TCHH: variants seen among roughly 807,000 people sequenced by gnomAD.
TCHH encodes trichohyalin.
A neutral mutation model predicts 6.3 loss-of-function variants in TCHH; 6 were observed. That is an observed-to-expected ratio of 0.95 (90% CI 0.52 to 1.88). The LOEUF (loss-of-function observed/expected upper bound fraction) is 1.88. TCHH is among the 40% of genes most tolerant of loss of function. The pLI is 0.01. For missense variants in TCHH, 2,920 were observed against 2,449.1 expected (o/e 1.19, Z -4.06); for synonymous variants, 1,087 against 963.6 (o/e 1.13, Z -2.37).
Position 152,109,174 on chromosome 1 carries a change from C to A in TCHH, c.4043G>T (p.Arg1348Met). Residue 1348 changes from arginine to methionine, a missense_variant, in exon 3 of 3, where the codon AGG becomes ATG. By Grantham distance (91) the Arg-to-Met change is moderately conservative. Transcript: ENST00000614923. ...FREEEQLLQE[R>M]EEQPLRRQER... is the part of the protein sequence containing the mutation. ...TTGGCGGCGCAGCGGCTGTTCCTCC[C>A]TTTCCTGGAGCAGCTGTTCCTCCTC... 1 of 1,613,584 alleles carries A rather than the reference C, an allele frequency of 6.2e-7. No individual in the cohort carries two copies. Among genetic ancestry groups the A allele is most frequent in the Non-Finnish European group, 8.5e-7 (1 of 1,179,720 alleles).
chr1:152,109,481 C>T lies in TCHH; in HGVS notation c.3736G>A (p.Glu1246Lys), dbSNP rs1557809739. The change falls in exon 3 of 3, where the codon GAG becomes AAG. Residue 1246 changes from glutamate to lysine, a missense_variant. Transcript: ENST00000614923. ...TCCAACTGCCGGAACTGTTCATTCT[C>T]TCTGCCTTTGCAGTAAACCTTGTTA... is the stretch of plus-strand genomic sequence containing the variant. ...RDNKVYCKGR[E>K]NEQFRQLEDS... The T allele has an allele frequency of 6.2e-7, 1 of 1,614,272 alleles. No homozygotes were observed. Among genetic ancestry groups the T allele is most frequent in the Non-Finnish European group, 8.5e-7 (1 of 1,180,048 alleles).
In TCHH at chr1:152,110,811, C is replaced by T. The variant is rs752929893; in HGVS notation, c.2406G>A (p.Glu802=). Residue 802 remains glutamate (E), a synonymous_variant, in exon 3 of 3, where the codon GAG becomes GAA. Transcript: ENST00000614923. ...GAAACCGTTGTTCCCGCTGCTGGCG[C>T]TCCTCGGCCCTCAGCTGCCTCTCCC... ...EQRERQLRAE[E]RQQREQRFLP... 6.2e-7 allele frequency: 1 copy of T among 1,608,526 alleles called. No individual in the cohort carries two copies. The highest frequency in any genetic ancestry group is 8.5e-7 in the Non-Finnish European group (1 of 1,179,878).
rs760018205 is a variant in TCHH at position 152,107,762 on chromosome 1, C to G, written c.5455G>C (p.Gly1819Arg). 1.2e-6 allele frequency: 2 copies of G among 1,614,206 alleles called. No individual in the cohort carries two copies. The highest frequency in any genetic ancestry group is 2.2e-5 in the South Asian group (2 of 91,084). ...TGCTCTTCTTCCCAGCGATACTTTCCGTCACGCTGTTGGGGGCGCAGCTGC... is the reference window on the plus strand; with the variant it reads ...TGCTCTTCTTCCCAGCGATACTTTCGGTCACGCTGTTGGGGGCGCAGCTGC... ...EQQLRPQQRD[G>R]KYRWEEEQLQ... is the part of the protein sequence containing the mutation. The change falls in exon 3 of 3, where the codon GGA (glycine) becomes CGA (arginine). Residue 1819 changes from glycine (G) to arginine (R), a missense_variant. Gly to Arg is a moderately radical substitution (Grantham distance 125). Coordinates refer to ENST00000614923, the MANE Select transcript of TCHH (RefSeq NM_007113.4).
At position 152,108,253 on chromosome 1, in the gene TCHH, T is replaced by A. The variant is rs1390481257; in HGVS notation, c.4964A>T (p.Gln1655Leu). Reference protein sequence around the residue: ...FLEEEPQLRRQEREQQLRHDR... With the variant: ...FLEEEPQLRRLEREQQLRHDR... Reference sequence around the variant, plus strand: ...GTGACGCAGCTGTTGTTCGCGCTCCTGGCGGCGCAGCTGCGGTTCCTCCTC... The same window carrying A: ...GTGACGCAGCTGTTGTTCGCGCTCCAGGCGGCGCAGCTGCGGTTCCTCCTC... The change falls in exon 3 of 3, where the codon CAG (glutamine) becomes CTG (leucine). Residue 1655 changes from glutamine to leucine, a missense_variant. Gln to Leu is a moderately radical substitution (Grantham distance 113). Coordinates refer to ENST00000614923, the MANE Select transcript of TCHH (RefSeq NM_007113.4). 2 of 1,613,200 alleles carry A rather than the reference T, an allele frequency of 1.2e-6. No homozygotes were observed. The highest frequency in any genetic ancestry group is 1.7e-5 in the Admixed American group (1 of 59,922).
rs1658105517 is a variant in TCHH, at chr1:152,106,421, T to A, written c.*964A>T. 6.6e-6 allele frequency: 1 copy of A among 152,176 alleles called. No homozygotes were observed. Among genetic ancestry groups the A allele is most frequent in the Non-Finnish European group, 1.5e-5 (1 of 68,034 alleles). The allele number at this position is 152,176 out of a possible 1,614,324, so 9.4% of individuals were successfully genotyped here. On this transcript the variant is annotated 3_prime_UTR_variant, in exon 3 of 3. Transcript: ENST00000614923. ...CCTCAAATGATTGTGGGCAAATGGG[T>A]CTTGTCAAAGGGCCTCTAGAAATTT...
chr1:152,107,019 C>A lies in TCHH; in HGVS notation c.*366G>T. On this transcript the variant is annotated 3_prime_UTR_variant, in exon 3 of 3. Transcript: ENST00000614923. ...TGGGTCAGTCATTAAACAAACCGAC[C>A]CATTGTTTAGAATCTCAAATCATCC... 1 of 170,732 alleles carries A rather than the reference C, an allele frequency of 5.9e-6. No homozygotes were observed. The highest frequency in any genetic ancestry group is 1.2e-5 in the Non-Finnish European group (1 of 80,518). The allele number at this position is 170,732 out of a possible 1,614,324, so 10.6% of individuals were successfully genotyped here.
rs368966346 is a variant in TCHH, at chr1:152,112,912, C to T, written c.305G>A (p.Arg102Gln). 3 of 1,613,846 alleles carry T rather than the reference C, an allele frequency of 1.9e-6. No homozygotes were observed. The highest frequency in any genetic ancestry group is 2.5e-6 in the Non-Finnish European group (3 of 1,179,994). The part of the protein sequence containing the change: ...ATGLDEEKRA[R>Q]CDGKESLLQD... ...TAACAGGCTCTCCTTTCCGTCACAC[C>T]GGGCTCGCTTCTCCTCATCCAGTCC... Residue 102 changes from arginine (R) to glutamine (Q), a missense_variant, in exon 3 of 3, where the codon CGG becomes CAG. Physicochemically the swap from Arg to Gln is conservative, Grantham distance 43. Transcript: ENST00000614923.
rs1658197421 is a variant in TCHH, at chr1:152,108,569, GC to G, written c.4647del (p.Arg1550ValfsTer23). 1 of 1,609,214 alleles carries G rather than the reference GC, an allele frequency of 6.2e-7. No individual in the cohort carries two copies. Among genetic ancestry groups the G allele is most frequent in the African/African-American group, 1.4e-5 (1 of 73,722 alleles). On this transcript the variant is annotated frameshift_variant, in exon 3 of 3. Coordinates refer to ENST00000614923, the MANE Select transcript of TCHH (RefSeq NM_007113.4). LOFTEE classifies it low-confidence loss of function (END_TRUNC). ...QLRRQERGQQ[R>X]RQDRDRKFRE... The stretch of plus-strand genomic sequence containing the variant: ...CGGAATTTTCTGTCACGGTCCTGAC[GC>G]CGCTGTTGCCCGCGCTCCTGGCGGC...
Position 152,108,287 on chromosome 1 carries a change from T to C in TCHH, c.4930A>G (p.Lys1644Glu). The change falls in exon 3 of 3, where the codon AAA becomes GAA. Residue 1644 changes from lysine to glutamate, a missense_variant. Coordinates refer to ENST00000614923, the MANE Select transcript of TCHH (RefSeq NM_007113.4). ...QQLHRQERDR[K>E]FLEEEPQLRR... ...AGCTGCGGTTCCTCCTCGAGGAATT[T>C]TCTGTCACGCTCTTGGCGGTGCAGC... 1 of 1,612,954 alleles carries C rather than the reference T, an allele frequency of 6.2e-7. No individual in the cohort carries two copies. The highest frequency in any genetic ancestry group is 8.5e-7 in the Non-Finnish European group (1 of 1,179,674).
rs1358521236 is a variant in TCHH, at chr1:152,107,970, G to A, written c.5247C>T (p.Ile1749=). ...QLRRQERYRK[I]LEEEQLRPER... Reference sequence around the variant, plus strand: ...CCGGACGGAGCTGCTCTTCCTCTAGGATTTTTCTGTAGCGTTCTTGGCGGC... The same window carrying A: ...CCGGACGGAGCTGCTCTTCCTCTAGAATTTTTCTGTAGCGTTCTTGGCGGC... The change falls in exon 3 of 3, where the codon ATC becomes ATT. Residue 1749 remains isoleucine (I), a synonymous_variant. Coordinates refer to ENST00000614923, the MANE Select transcript of TCHH (RefSeq NM_007113.4). 4 of 1,613,334 alleles carry A rather than the reference G, an allele frequency of 2.5e-6. No individual in the cohort carries two copies. Among genetic ancestry groups the A allele is most frequent in the Non-Finnish European group, 3.4e-6 (4 of 1,179,848 alleles).
intron 1 of TCHH, among the ~76,000 whole-genome samples, chr1:152,115,173 A>G (rs1476529756): frequency 1.3e-5 from 2 of 152,222 alleles, no homozygotes; most frequent in Non-Finnish European, 2.9e-5. Flanking sequence ...GATGTGCAGA[A>G]GTATAGAGTT....
chr1:152,114,004 G>C lies in TCHH; in HGVS notation c.77C>G (p.Ala26Gly), dbSNP rs754654083. 6 of 1,613,790 alleles carry C rather than the reference G, an allele frequency of 3.7e-6. No individual in the cohort carries two copies. In the Admixed American group the frequency reaches 1.0e-4, roughly 27 times the overall value. Residue 26 changes from alanine (A) to glycine (G), a missense_variant, in exon 2 of 3, where the codon GCA becomes GGA. By Grantham distance (60) the Ala-to-Gly change is moderately conservative. Transcript: ENST00000614923. ...CTTCAGGTCTTTCTTAGTTAATGCT[G>C]CTCCATCACAATCATGAGAGACATA... ...NQYVSHDCDG[A>G]ALTKKDLKNL...
chr1:152,109,195 T>C lies in TCHH; in HGVS notation c.4022A>G (p.Glu1341Gly), dbSNP rs773300306. 5 of 1,614,250 alleles carry C rather than the reference T, an allele frequency of 3.1e-6. No homozygotes were observed. The highest frequency in any genetic ancestry group is 1.7e-5 in the Admixed American group (1 of 60,032). ...CTCCCTTTCCTGGAGCAGCTGTTCC[T>C]CCTCGCGGAATTTTCTGTCTGTCTC... ...RQETDRKFRE[E>G]EQLLQEREEQ... Residue 1341 changes from glutamate (E) to glycine (G), a missense_variant, in exon 3 of 3, where the codon GAG becomes GGG. Coordinates refer to ENST00000614923, the MANE Select transcript of TCHH (RefSeq NM_007113.4).
At chr1:152,115,055 G>T (rs1658477426) in intron 1 of TCHH, among the ~76,000 whole-genome samples, 1 of 152,180 alleles carries the variant, frequency 6.6e-6, no homozygotes, top group Non-Finnish European at 1.5e-5. Flanking sequence ...TATGAAGATG[G>T]CCCATATTAG....
chr1:152,112,382 G>A lies in TCHH; in HGVS notation c.835C>T (p.Arg279Trp). The change falls in exon 3 of 3, where the codon CGG (arginine) becomes TGG (tryptophan). Residue 279 changes from arginine (R) to tryptophan (W), a missense_variant. Transcript: ENST00000614923. ...RELQEEEEQL[R>W]KLERQELRRE... ...CTCAGCTCTTGCCGCTCCAGCTTCC[G>A]TAGCTGCTCTTCTTCCTCCTGGAGC... 3 of 1,613,710 alleles carry A rather than the reference G, an allele frequency of 1.9e-6. No homozygotes were observed. The highest frequency in any genetic ancestry group is 2.5e-6 in the Non-Finnish European group (3 of 1,179,970).
rs201552909 is a variant in TCHH at position 152,107,629 on chromosome 1, T to G, written c.5588A>C (p.Glu1863Ala). Residue 1863 changes from glutamate (E) to alanine (A), a missense_variant, in exon 3 of 3, where the codon GAA (glutamate) becomes GCA (alanine). Physicochemically the swap from Glu to Ala is moderately radical, Grantham distance 107. Transcript: ENST00000614923. ...TQEKSRREEQELWQEEEQKRR... is the reference protein window; with the variant it reads ...TQEKSRREEQALWQEEEQKRR... ...TTTCTGCTCCTCTTCTTGCCATAGT[T>G]CTTGTTCCTCACGACGACTCTTCTC... is the stretch of plus-strand genomic sequence containing the variant. The G allele has an allele frequency of 4.3e-4, 692 of 1,614,054 alleles. No individual in the cohort carries two copies. Among genetic ancestry groups the G allele is most frequent in the Non-Finnish European group, 5.4e-4 (641 of 1,180,052 alleles).
Position 152,107,641 on chromosome 1 carries a change from C to A in TCHH, c.5576G>T (p.Arg1859Leu). The change falls in exon 3 of 3, where the codon CGT (arginine) becomes CTT (leucine). Residue 1859 changes from arginine to leucine, a missense_variant. Transcript: ENST00000614923. Reference sequence around the variant, plus strand: ...TTCTTGCCATAGTTCTTGTTCCTCACGACGACTCTTCTCCTGCGTGGCAAA... The same window carrying A: ...TTCTTGCCATAGTTCTTGTTCCTCAAGACGACTCTTCTCCTGCGTGGCAAA... ...EQFATQEKSRREEQELWQEEE... is the reference protein window; with the variant it reads ...EQFATQEKSRLEEQELWQEEE... 1 of 1,614,124 alleles carries A rather than the reference C, an allele frequency of 6.2e-7. No individual in the cohort carries two copies. The highest frequency in any genetic ancestry group is 8.5e-7 in the Non-Finnish European group (1 of 1,180,028).
chr1:152,109,072 CG>C lies in TCHH; in HGVS notation c.4144del (p.Arg1382GlyfsTer42), dbSNP rs1203162772. ...TCTCTCCCGTTCCTGGCGGCGCAGCCGCTGTTCCTCCTCGAGGAATTTTCTC... is the reference window on the plus strand; with the variant it reads ...TCTCTCCCGTTCCTGGCGGCGCAGCCCTGTTCCTCCTCGAGGAATTTTCTC... ...QGRKFLEEEQ[R>X]LRRQERERKF... On this transcript the variant is annotated frameshift_variant, in exon 3 of 3. Transcript: ENST00000614923. LOFTEE classifies it low-confidence loss of function (END_TRUNC). 1 of 1,608,018 alleles carries C rather than the reference CG, an allele frequency of 6.2e-7. No homozygotes were observed. Among genetic ancestry groups the C allele is most frequent in the Non-Finnish European group, 8.5e-7 (1 of 1,178,068 alleles).
At position 152,108,544 on chromosome 1, in the gene TCHH, C is replaced by T. The variant is rs756033778; in HGVS notation, c.4673G>A (p.Arg1558His). The change falls in exon 3 of 3, where the codon CGC becomes CAC. Residue 1558 changes from arginine (R) to histidine (H), a missense_variant. Physicochemically the swap from Arg to His is conservative, Grantham distance 29 (BLOSUM62 0). Transcript: ENST00000614923. ...CTCCTGGCGCAGCTGTTCCTCCTCG[C>T]GGAATTTTCTGTCACGGTCCTGACG... ...QRRQDRDRKF[R>H]EEEQLRQERE... is the part of the protein sequence containing the mutation. 2 of 1,609,136 alleles carry T rather than the reference C, an allele frequency of 1.2e-6. No homozygotes were observed. Among genetic ancestry groups the T allele is most frequent in the Non-Finnish European group, 1.7e-6 (2 of 1,178,718 alleles).
Sources: allele counts gnomAD v4.1 joint callset (sites outside exome capture counted in the v4.1 genomes callset), GRCh38; gene constraint gnomAD v4.1.1; transcripts MANE v1.5; gene names NCBI Gene and HGNC (gene_info 2026-07-23, HGNC 2026-07-21).